RIT2: variants seen among roughly 807,000 people sequenced by gnomAD.
The protein encoded by RIT2 is Ras like without CAAX 2, also known as GTP-binding protein Rit2.
RIT2 carries 24 observed loss-of-function variants against 23.7 expected under a neutral mutation model. The observed-to-expected ratio is 1.01, with a 90% CI of 0.73 to 1.43. RIT2 has a LOEUF of 1.43. Among genes scored for constraint, RIT2 ranks in the 40% most tolerant of loss-of-function variants. RIT2 has a pLI of 0.00. For synonymous variants in RIT2, 107 were observed against 91.1 expected (o/e 1.17, Z -0.99); for missense variants, 236 against 266.9 (o/e 0.88, Z 0.81).
chr18:42,761,418 T>C (rs1056170133), intron 4 of RIT2, among the ~76,000 whole-genome samples: 1 of 152,222 alleles, frequency 6.6e-6, no homozygotes, highest in Non-Finnish European at 1.5e-5. Context: ...ACATTTTTCT[T>C]ATTCTTTACC....
intron 4 of RIT2, among the ~76,000 whole-genome samples, chr18:42,873,443 T>C (rs569940535): frequency 3.9e-5 from 6 of 152,198 alleles, no homozygotes; most frequent in Non-Finnish European, 8.8e-5. Context: ...TTTTGACTGG[T>C]TGAGAATGTG....
intron 4 of RIT2, among the ~76,000 whole-genome samples, chr18:42,796,275 A>G (rs981169876): frequency 2.6e-5 from 4 of 151,924 alleles, no homozygotes; most frequent in African/African-American, 9.7e-5. Context: ...GAGCTGTAAC[A>G]CTCACCGTGA....
At chr18:42,883,289 C>G (rs534435246) in intron 4 of RIT2, among the ~76,000 whole-genome samples, 10 of 152,274 alleles carry the variant, frequency 6.6e-5, no homozygotes, top group African/African-American at 2.2e-4. Flanking sequence ...ACGGAGGAAG[C>G]TGGTGATCTA....
chr18:43,026,478 C>T (rs553643778), intron 2 of RIT2, among the ~76,000 whole-genome samples: 51 of 151,022 alleles, frequency 3.4e-4, no homozygotes, highest in African/African-American at 6.3e-4. Flanking sequence ...CACTTGAACC[C>T]GGGAGGCAGA....
At chr18:43,024,596 C>T (rs759022748) in intron 2 of RIT2, among the ~76,000 whole-genome samples, 1 of 151,802 alleles carries the variant, frequency 6.6e-6, no homozygotes, top group African/African-American at 2.4e-5. Flanking sequence ...TTGAGCACAG[C>T]AAAATAAGTA....
At chr18:43,099,948 A>G (rs1913644371) in intron 1 of RIT2, among the ~76,000 whole-genome samples, 1 of 152,104 alleles carries the variant, frequency 6.6e-6, no homozygotes, top group Admixed American at 6.6e-5. Context: ...TATTTTCCAT[A>G]CTTTAGAGAT....
chr18:42,912,338 T>C (rs757341309), intron 4 of RIT2, among the ~76,000 whole-genome samples: 6 of 151,886 alleles, frequency 4.0e-5, no homozygotes, highest in Non-Finnish European at 5.9e-5. Context: ...TGGTGAAACA[T>C]TGAATGCTTT....
At chr18:42,879,935 A>C (rs975338504) in intron 4 of RIT2, among the ~76,000 whole-genome samples, 1 of 152,184 alleles carries the variant, frequency 6.6e-6, no homozygotes, top group Admixed American at 6.5e-5. Flanking sequence ...TTCTGGAAAC[A>C]CTAGCTCCAG....
chr18:42,851,028 C>T (rs1169172522), intron 4 of RIT2, among the ~76,000 whole-genome samples: 1 of 152,126 alleles, frequency 6.6e-6, no homozygotes, highest in Non-Finnish European at 1.5e-5. Context: ...ATAAGAGGTG[C>T]TCATGAGTGA....
chr18:42,917,402 T>C (rs1479419993), intron 4 of RIT2, among the ~76,000 whole-genome samples: 1 of 152,132 alleles, frequency 6.6e-6, no homozygotes, highest in Non-Finnish European at 1.5e-5. Context: ...GAAGAATTTG[T>C]TGTTACATGA....
At chr18:43,008,323 T>C (rs1326447869) in intron 2 of RIT2, among the ~76,000 whole-genome samples, 1 of 151,548 alleles carries the variant, frequency 6.6e-6, no homozygotes, top group Non-Finnish European at 1.5e-5. Flanking sequence ...CATATACATA[T>C]ATTAAGAGAG....
chr18:43,088,375 TA>T (rs1220322417), intron 1 of RIT2, among the ~76,000 whole-genome samples: 11 of 152,154 alleles, frequency 7.2e-5, no homozygotes, highest in Non-Finnish European at 1.5e-4. Context: ...AGCAGTCCAC[TA>T]AGATAGTTTA....
chr18:42,752,647 G>A (rs1432973948), intron 4 of RIT2, among the ~76,000 whole-genome samples: 1 of 151,246 alleles, frequency 6.6e-6, no homozygotes, highest in Non-Finnish European at 1.5e-5. Context: ...CTGATGTGAG[G>A]TTTTACAACT....
chr18:42,745,942 A>C (rs901113096), intron 4 of RIT2, among the ~76,000 whole-genome samples: 8 of 152,136 alleles, frequency 5.3e-5, no homozygotes, highest in African/African-American at 1.9e-4. Flanking sequence ...ATACAGCCTA[A>C]AGGCCCTTGT....
chr18:43,044,271 C>T (rs1961224137), intron 1 of RIT2, among the ~76,000 whole-genome samples: 1 of 152,156 alleles, frequency 6.6e-6, no homozygotes, highest in Non-Finnish European at 1.5e-5. Flanking sequence ...CCCGATCCCA[C>T]TTTAATGACA....
chr18:43,019,639 C>A (rs1292451304), intron 2 of RIT2, among the ~76,000 whole-genome samples: 1 of 151,958 alleles, frequency 6.6e-6, no homozygotes, highest in Non-Finnish European at 1.5e-5. Flanking sequence ...TACAAGGATG[C>A]CCACTTTCAC....
chr18:43,080,392 T>G (rs1913128982), intron 1 of RIT2, among the ~76,000 whole-genome samples: 1 of 152,236 alleles, frequency 6.6e-6, no homozygotes, highest in South Asian at 2.1e-4. Context: ...CACACCTTGC[T>G]GTCTCCTATT....
In RIT2 at chr18:42,743,987, A is replaced by G. The variant is rs1000076017; in HGVS notation, c.427-267T>C. 1.4e-4 allele frequency among the ~76,000 whole-genome samples: 22 copies of G among 152,272 alleles called. No individual in the cohort carries two copies. The South Asian group carries it at 3.9e-3, about 27-fold the overall frequency. On this transcript the variant is annotated intron_variant, in intron 4 of 4. Coordinates refer to ENST00000326695, the MANE Select transcript of RIT2 (RefSeq NM_002930.4). ...TCCTTGCCTTAACTGATGAAATTCC[A>G]CCAGAAAAGAAGTGAAAATGGTCGG...
At chr18:42,913,528 T>TA (rs1378836350) in intron 4 of RIT2, among the ~76,000 whole-genome samples, 17 of 149,592 alleles carry the variant, frequency 1.1e-4, no homozygotes, top group East Asian at 9.7e-4. Flanking sequence ...AACTTAAACT[T>TA]AAAAAAGAAA....
Sources: gnomAD v4.1 joint callset for allele counts (sites outside exome capture counted in the v4.1 genomes callset) on GRCh38, gnomAD v4.1.1 for gene constraint, MANE v1.5 for transcripts, NCBI Gene and HGNC (gene_info 2026-07-23, HGNC 2026-07-21) for gene names.